The following DNMT3L variants were observed in gnomAD, a reference collection of about 807,000 sequenced individuals.
The protein encoded by DNMT3L is DNA (cytosine-5)-methyltransferase 3-like.
Under a neutral mutation model 36.2 loss-of-function variants are expected in DNMT3L, and 33 were observed. That is an observed-to-expected ratio of 0.91 (90% confidence interval 0.69 to 1.22). The LOEUF is 1.22. Ranked by LOEUF, DNMT3L falls within the 50% of genes most tolerant of loss-of-function variation. DNMT3L has a pLI of 0.00. For synonymous variants in DNMT3L, 117 were observed against 121.7 expected, an observed-to-expected ratio of 0.96 and a Z score of 0.26; for missense variants, 310 against 303.1, an observed-to-expected ratio of 1.02 and a Z score of -0.17.
rs941781264 is a variant in DNMT3L, at chr21:44,258,456, G to A, written c.516+67C>T. 6 of 1,475,046 alleles carry A rather than the reference G, an allele frequency of 4.1e-6. No individual in the cohort carries two copies. Among genetic ancestry groups the A allele is most frequent in the Non-Finnish European group, 5.4e-6 (6 of 1,107,026 alleles). 91.4% of individuals were successfully genotyped at this position (1,475,046 alleles called of 1,614,324 possible). ...TCGGCGCGCCTGCATTCTGCAGCGG[G>A]AACCGAGGGAAGGCCGTAAGTCAGG... is the stretch of plus-strand genomic sequence containing the variant. On this transcript the variant is annotated intron_variant, in intron 6 of 11. Transcript: ENST00000628202. This position sits in a 1 kb window ranked among gnomAD's most constrained non-coding sequence, Gnocchi z 6.2.
chr21:44,253,804 A>G (rs961142946), intron 8 of DNMT3L, among the ~76,000 whole-genome samples: 1 of 152,060 alleles, frequency 6.6e-6, no homozygotes, highest in African/African-American at 2.4e-5. Flanking sequence ...TCAACAATGG[A>G]CTCCACTTCC....
At chr21:44,257,474 G>A (rs2040269156) in intron 6 of DNMT3L, among the ~76,000 whole-genome samples, 1 of 152,000 alleles carries the variant, frequency 6.6e-6, no homozygotes, top group South Asian at 2.1e-4. Flanking sequence ...GAGGTCAGGA[G>A]ATCGAGACCA....
chr21:44,256,219 C>G (rs988896501), intron 6 of DNMT3L, 65 bp from the exon 7 acceptor site: 1 of 1,547,380 alleles, frequency 6.5e-7, no homozygotes, highest in African/African-American at 1.4e-5. Flanking sequence ...CCTTGAGTTA[C>G]AATGAAAATT....
rs778138175 is a variant in DNMT3L at position 44,258,682 on chromosome 21, G to A, written c.357C>T (p.Phe119=). The A allele has an allele frequency of 1.2e-6, 2 of 1,612,670 alleles. No individual in the cohort carries two copies. Among genetic ancestry groups the A allele is most frequent in the Non-Finnish European group, 8.5e-7 (1 of 1,179,844 alleles). The change falls in exon 6 of 12, where the codon TTC becomes TTT. Residue 119 remains phenylalanine (F), a synonymous_variant. Transcript: ENST00000628202. This position sits in a 1 kb window ranked among gnomAD's most constrained non-coding sequence, Gnocchi z 6.2. ...GNPDCTRCYC[F]ECVDSLVGPG... is the part of the protein sequence containing the mutation. ...GGCCGACCAGGCTATCCACACACTC[G>A]AAGCAGTAGCATCTAAGGCCAGACA...
chr21:44,259,616 C>T lies in DNMT3L; in HGVS notation c.231+16G>A, dbSNP rs772460372. 1.2e-6 allele frequency: 2 copies of T among 1,613,214 alleles called. No homozygotes were observed. Among genetic ancestry groups the T allele is most frequent in the East Asian group, 2.2e-5 (1 of 44,890 alleles). On this transcript the variant is annotated intron_variant, in intron 4 of 11. Transcript: ENST00000628202. ...TCTGAGGCCATGAGGGAGTCACCCC[C>T]AGCCTCCCTGCCTACCTTACATGGG... is the stretch of plus-strand genomic sequence containing the variant.
In DNMT3L at chr21:44,258,860, A is replaced by T. The variant is rs61428960; in HGVS notation, c.345-166T>A. 2.0e-4 allele frequency among the ~76,000 whole-genome samples: 31 copies of T among 152,266 alleles called. No homozygotes were observed. The East Asian group carries it at 6.0e-3, about 29-fold the overall frequency. ...GGAAGAGGGAGACGGTCCTTCCTAG[A>T]GACGCAGAGTGACAGGAGCCGAGCC... On this transcript the variant is annotated intron_variant, in intron 5 of 11. Transcript: ENST00000628202. The surrounding 1 kb of genome is among the most constrained non-coding windows in gnomAD (Gnocchi z 6.2).
chr21:44,257,928 T>C (rs1175679282), intron 6 of DNMT3L, among the ~76,000 whole-genome samples: 1 of 152,144 alleles, frequency 6.6e-6, no homozygotes, highest in Non-Finnish European at 1.5e-5. Flanking sequence ...TCCATCATCA[T>C]GTGACTGTCT....
At chr21:44,261,541 G>A (rs528287042) in intron 1 of DNMT3L, among the ~76,000 whole-genome samples, 199 bp downstream of exon 1, 18 of 152,248 alleles carry the variant, frequency 1.2e-4, no homozygotes, top group African/African-American at 4.3e-4. Flanking sequence ...AAAAGGGGAG[G>A]GCAGGGCCCT....
rs2040282205 is a variant in DNMT3L at position 44,258,416 on chromosome 21, C to T, written c.516+107G>A. The T allele has an allele frequency of 3.5e-6, 5 of 1,409,830 alleles. No homozygotes were observed. In the Admixed American group the frequency reaches 1.4e-4, roughly 39 times the overall value. The allele number at this position is 1,409,830 out of a possible 1,614,324, so 87.3% of individuals were successfully genotyped here. A position where few individuals can be genotyped will look rare whatever the true frequency, so the allele number is the denominator to read the frequency against. ...GAAAGAGTGTTTGCTCCCGAGGCTG[C>T]AGCCGTGGTGCCCGTCGGCGCGCCT... On this transcript the variant is annotated intron_variant, in intron 6 of 11. Transcript: ENST00000628202. The surrounding 1 kb of genome is among the most constrained non-coding windows in gnomAD (Gnocchi z 6.2).
chr21:44,258,763 G>A lies in DNMT3L; in HGVS notation c.345-69C>T. The A allele has an allele frequency of 6.5e-7, 1 of 1,543,532 alleles. No individual in the cohort carries two copies. Among genetic ancestry groups the A allele is most frequent in the Admixed American group, 2.0e-5 (1 of 50,976 alleles). On this transcript the variant is annotated intron_variant, in intron 5 of 11. Transcript: ENST00000628202. The surrounding 1 kb of genome is among the most constrained non-coding windows in gnomAD (Gnocchi z 6.2). ...CCTCTCCTGAGGATGGCAGAGGTGG[G>A]CCTGATTGAGCCTTGTTTTGGAGGG...
intron 3 of DNMT3L, 96 bp downstream of exon 3, chr21:44,260,699 C>T: frequency 6.6e-7 from 1 of 1,509,354 alleles, no homozygotes; most frequent in Non-Finnish European, 9.2e-7. Flanking sequence ...CTCAAATGAT[C>T]CTCCCACATT....
chr21:44,253,204 C>T (rs1331925986), intron 8 of DNMT3L, among the ~76,000 whole-genome samples: 1 of 55,236 alleles, frequency 1.8e-5, no homozygotes, highest in Non-Finnish European at 3.6e-5. Context: ...AGAGCCTTCC[C>T]TGCTGAACAG....
At chr21:44,255,516 A>AT (rs3046651) in intron 7 of DNMT3L, among the ~76,000 whole-genome samples, 2 of 150,836 alleles carry the variant, frequency 1.3e-5, no homozygotes, top group Admixed American at 1.3e-4. Flanking sequence ...AAAAAAAAAA[A>AT]GGATGTCAAG....
At position 44,258,484 on chromosome 21, in the gene DNMT3L, C is replaced by A; in HGVS notation, c.516+39G>T. 2.0e-6 allele frequency: 3 copies of A among 1,514,446 alleles called. No individual in the cohort carries two copies. Among genetic ancestry groups the A allele is most frequent in the Non-Finnish European group, 2.7e-6 (3 of 1,125,830 alleles). The allele number at this position is 1,514,446 out of a possible 1,614,324, so 93.8% of individuals were successfully genotyped here. ...CCGAGGGAAGGCCGTAAGTCAGGGC[C>A]TGCTGCTGCCGGGTGCTGCCCCTCC... is the stretch of plus-strand genomic sequence containing the variant. On this transcript the variant is annotated intron_variant, in intron 6 of 11. Coordinates refer to ENST00000628202, the MANE Select transcript of DNMT3L (RefSeq NM_175867.3). This position sits in a 1 kb window ranked among gnomAD's most constrained non-coding sequence, Gnocchi z 6.2.
chr21:44,258,275 G>A lies in DNMT3L; in HGVS notation c.516+248C>T, dbSNP rs561821683. Reference sequence around the variant, plus strand: ...GAGACGTGCCAGCCACCCTCTCCCGGCCCCTCTCCCATCTGCTACCAGGGC... The same window carrying A: ...GAGACGTGCCAGCCACCCTCTCCCGACCCCTCTCCCATCTGCTACCAGGGC... On this transcript the variant is annotated intron_variant, in intron 6 of 11. Coordinates refer to ENST00000628202, the MANE Select transcript of DNMT3L (RefSeq NM_175867.3). This position sits in a 1 kb window ranked among gnomAD's most constrained non-coding sequence, Gnocchi z 6.2. 6.6e-6 allele frequency among the ~76,000 whole-genome samples: 1 copy of A among 152,242 alleles called. No individual in the cohort carries two copies. Among genetic ancestry groups the A allele is most frequent in the Non-Finnish European group, 1.5e-5 (1 of 67,990 alleles).
chr21:44,253,692 C>T (rs1421682302), intron 8 of DNMT3L, among the ~76,000 whole-genome samples: 1 of 152,130 alleles, frequency 6.6e-6, no homozygotes, highest in African/African-American at 2.4e-5. Flanking sequence ...ACACTCTAGC[C>T]TGGGCAACAG....
Position 44,258,613 on chromosome 21 carries a change from G to A in DNMT3L, c.426C>T (p.Cys142=), listed in dbSNP as rs748723758. ...GKVHAMSNWV[C]YLCLPSSRSG... ...TTCGGGAGGACGGCAGGCACAGGTA[G>A]CACACCCAGTTGCTCATGGCGTGCA... Residue 142 remains cysteine (C), a synonymous_variant, in exon 6 of 12, where the codon TGC becomes TGT. Transcript: ENST00000628202. The surrounding 1 kb of genome is among the most constrained non-coding windows in gnomAD (Gnocchi z 6.2). 8 of 1,612,416 alleles carry A rather than the reference G, an allele frequency of 5.0e-6. No homozygotes were observed. The Admixed American group carries it at 1.3e-4, about 27-fold the overall frequency.
rs756247540 is a variant in DNMT3L, at chr21:44,258,534, C to T, written c.505G>A (p.Asp169Asn). 25 of 1,574,422 alleles carry T rather than the reference C, an allele frequency of 1.6e-5. 1 individual carries two copies. The Admixed American group carries it at 2.0e-4, about 13-fold the overall frequency. The change falls in exon 6 of 12, where the codon GAC (aspartate) becomes AAC (asparagine). Residue 169 changes from aspartate to asparagine, a missense_variant. Physicochemically the swap from Asp to Asn is conservative, Grantham distance 23 (BLOSUM62 1). Transcript: ENST00000628202. This position sits in a 1 kb window ranked among gnomAD's most constrained non-coding sequence, Gnocchi z 6.2. ...KWRSQLKAFY[D>N]RESENPLEMF... The stretch of plus-strand genomic sequence containing the variant: ...CACGGGCTCCTTACCGACTCTCGGT[C>T]GTAGAAGGCCTTGAGCTGGCTGCGC...
intron 3 of DNMT3L, 104 bp downstream of exon 3, chr21:44,260,691 C>T (rs1259127778): frequency 3.4e-6 from 5 of 1,482,762 alleles, no homozygotes; most frequent in African/African-American, 2.8e-5. Flanking sequence ...CTCCTGGGCT[C>T]AAATGATCCT....
Sources: allele counts gnomAD v4.1 joint callset (sites outside exome capture counted in the v4.1 genomes callset), GRCh38; gene constraint gnomAD v4.1.1; non-coding constraint Gnocchi (gnomAD v3.1); transcripts MANE v1.5; gene names NCBI Gene and HGNC (gene_info 2026-07-23, HGNC 2026-07-21).